ZYG11B: variants seen among roughly 807,000 people sequenced by gnomAD.
ZYG11B encodes zyg-11 family member B, cell cycle regulator.
Under a neutral mutation model 82.4 loss-of-function variants are expected in ZYG11B, and 36 were observed. The ratio of observed to expected loss-of-function variants is 0.44; its 90% CI spans 0.33 to 0.58. The LOEUF is 0.58. Among genes scored for constraint, ZYG11B ranks in the 20% least tolerant of loss-of-function variants. ZYG11B has a pLI of 0.02. For synonymous variants in ZYG11B, 303 were observed against 312.8 expected (o/e 0.97, Z 0.33); for missense variants, 552 against 895.6 (o/e 0.62, Z 4.90).
At chr1:52,731,652 A>G (rs1199866858) in intron 1 of ZYG11B, among the ~76,000 whole-genome samples, 2 of 152,198 alleles carry the variant, frequency 1.3e-5, no homozygotes, top group African/African-American at 2.4e-5. Context: ...GGGGATACAC[A>G]ATAAATACAC....
At chr1:52,780,955 C>T (rs897671773) in intron 4 of ZYG11B, among the ~76,000 whole-genome samples, 7 of 152,036 alleles carry the variant, frequency 4.6e-5, no homozygotes, top group Non-Finnish European at 1.0e-4. Flanking sequence ...CCAGCCTGGC[C>T]AACATGGCGA....
intron 2 of ZYG11B, among the ~76,000 whole-genome samples, chr1:52,768,557 G>A (rs1450250053): frequency 6.7e-6 from 1 of 149,396 alleles, no homozygotes; most frequent in Non-Finnish European, 1.5e-5. Flanking sequence ...CTTTGCTTAT[G>A]TTGTATATTC....
At chr1:52,810,966 G>A (rs1457517754) in intron 10 of ZYG11B, among the ~76,000 whole-genome samples, 10 of 151,300 alleles carry the variant, frequency 6.6e-5, no homozygotes, top group African/African-American at 4.9e-5. Flanking sequence ...TCAAGGAGGC[G>A]GAAGTTGCAG....
At chr1:52,727,728 C>T (rs982989640) in intron 1 of ZYG11B, among the ~76,000 whole-genome samples, 1 of 152,020 alleles carries the variant, frequency 6.6e-6, no homozygotes, top group African/African-American at 2.4e-5. Context: ...GTTGGGAGAA[C>T]CTTATATTTG....
rs1031754486 is a variant in ZYG11B at position 52,824,679 on chromosome 1, T to A, written c.*3050T>A. The A allele has an allele frequency of 2.0e-5, 3 of 151,852 alleles. No homozygotes were observed. The highest frequency in any genetic ancestry group is 7.3e-5 in the African/African-American group (3 of 41,292). The allele number at this position is 151,852 out of a possible 1,614,324, so 9.4% of individuals were successfully genotyped here. ...ATAATAATTTATTACATCCCAAATATATAAAAATTTGAGTGCCTTTGCAGT... is the reference window on the plus strand; with the variant it reads ...ATAATAATTTATTACATCCCAAATAAATAAAAATTTGAGTGCCTTTGCAGT... On this transcript the variant is annotated 3_prime_UTR_variant, in exon 14 of 14. Coordinates refer to ENST00000294353, the MANE Select transcript of ZYG11B (RefSeq NM_024646.3).
At position 52,818,232 on chromosome 1, in the gene ZYG11B, T is replaced by G. The variant is rs550741870; in HGVS notation, c.2044+1603T>G. On this transcript the variant is annotated intron_variant, in intron 13 of 13. Transcript: ENST00000294353. The stretch of plus-strand genomic sequence containing the variant: ...TCATCCCTATAATCCCAGCATTTTC[T>G]GAAGTTGAGGTGAGTGGATCGCTTG... Among the ~76,000 whole-genome samples the G allele has an allele frequency of 1.1e-4, 16 of 152,176 alleles. No individual in the cohort carries two copies. The South Asian group carries it at 3.1e-3, about 30-fold the overall frequency.
intron 1 of ZYG11B, among the ~76,000 whole-genome samples, chr1:52,744,613 C>T (rs1644461447): frequency 6.6e-6 from 1 of 152,140 alleles, no homozygotes; most frequent in South Asian, 2.1e-4. Context: ...GAGGCCAAGG[C>T]GGGCGGATCA....
At chr1:52,739,276 A>T (rs1644404409) in intron 1 of ZYG11B, among the ~76,000 whole-genome samples, 1 of 152,032 alleles carries the variant, frequency 6.6e-6, no homozygotes, top group Non-Finnish European at 1.5e-5. Context: ...TCTGAGCCAG[A>T]GCCACAGTGC....
chr1:52,743,380 C>A, intron 1 of ZYG11B, among the ~76,000 whole-genome samples: 1 of 127,604 alleles, frequency 7.8e-6, no homozygotes. Flanking sequence ...CCGAGAAACA[C>A]CCAAGAATGA....
rs575796802 is a variant in ZYG11B, at chr1:52,821,973, C to T, written c.*344C>T. The T allele has an allele frequency of 5.4e-6, 1 of 185,366 alleles. No individual in the cohort carries two copies. The highest frequency in any genetic ancestry group is 1.9e-4 in the South Asian group (1 of 5,306). The allele number at this position is 185,366 out of a possible 1,614,324, so 11.5% of individuals were successfully genotyped here. Reference sequence around the variant, plus strand: ...TTCTGATCTCAGAGTCCCTTCCAATCAATTTGCAGCTTCACATAAGCTGTT... The same window carrying T: ...TTCTGATCTCAGAGTCCCTTCCAATTAATTTGCAGCTTCACATAAGCTGTT... On this transcript the variant is annotated 3_prime_UTR_variant, in exon 14 of 14. Coordinates refer to ENST00000294353, the MANE Select transcript of ZYG11B (RefSeq NM_024646.3).
At chr1:52,810,731 C>T (rs888865247) in intron 10 of ZYG11B, among the ~76,000 whole-genome samples, 6 of 152,076 alleles carry the variant, frequency 3.9e-5, no homozygotes, top group Admixed American at 2.0e-4. Flanking sequence ...CTCATCATTC[C>T]TCAATTTAAA....
chr1:52,771,219 A>G lies in ZYG11B; in HGVS notation c.396A>G (p.Lys132=), dbSNP rs759789975. The part of the protein sequence containing the change: ...TDIISGLGSN[K]WIQQNLQCLV... ...TTATCAGTGGGCTTGGCAGTAACAA[A>G]TGGATCCAGCAGAATCTCCAGTGCC... Residue 132 remains lysine, a synonymous_variant, in exon 3 of 14, where the codon AAA becomes AAG. Coordinates refer to ENST00000294353, the MANE Select transcript of ZYG11B (RefSeq NM_024646.3). The surrounding 1 kb of genome is among the most constrained non-coding windows in gnomAD (Gnocchi z 5.4). 3.1e-6 allele frequency: 5 copies of G among 1,614,110 alleles called. No homozygotes were observed.
At chr1:52,784,192 A>G (rs568329246) in intron 4 of ZYG11B, among the ~76,000 whole-genome samples, 1 of 152,162 alleles carries the variant, frequency 6.6e-6, no homozygotes, top group Non-Finnish European at 1.5e-5. Flanking sequence ...GGGTTTCACC[A>G]TGTTGGCCAG....
In ZYG11B at chr1:52,785,047, C is replaced by G. The variant is rs777291144; in HGVS notation, c.1263C>G (p.His421Gln). ...AAGCCATGGAACATTTTCCCAATCA[C>G]CAGCAGGTAAGCTTATGTGAATTCC... ...LLKAMEHFPN[H>Q]QQLQKNCLLS... The change falls in exon 5 of 14, where the codon CAC becomes CAG. Residue 421 changes from histidine (H) to glutamine (Q), a missense_variant. His to Gln is a conservative substitution (Grantham distance 24). Transcript: ENST00000294353. The G allele has an allele frequency of 6.2e-7, 1 of 1,612,884 alleles. No homozygotes were observed. The highest frequency in any genetic ancestry group is 1.1e-5 in the South Asian group (1 of 91,030).
chr1:52,776,229 A>AAAAAAAATATATATACATATATATAT, intron 3 of ZYG11B, among the ~76,000 whole-genome samples: 1 of 23,536 alleles, frequency 4.2e-5, no homozygotes, highest in Non-Finnish European at 1.2e-4. Context: ...TAAAAAAAAA[A>AAAAAAAATATATATACATATATATAT]ATATATATAT....
At chr1:52,737,557 A>G (rs565729917) in intron 1 of ZYG11B, among the ~76,000 whole-genome samples, 1 of 152,152 alleles carries the variant, frequency 6.6e-6, no homozygotes, top group Non-Finnish European at 1.5e-5. Flanking sequence ...ACCTGAGGTC[A>G]GGAGTTCAAG....
intron 6 of ZYG11B, among the ~76,000 whole-genome samples, chr1:52,792,070 A>G (rs1048762754): frequency 6.6e-6 from 1 of 152,158 alleles, no homozygotes; most frequent in Non-Finnish European, 1.5e-5. Context: ...AGAACTTTAC[A>G]AAACAGGCAG....
At chr1:52,726,976 T>G (rs1207946733) in intron 1 of ZYG11B, among the ~76,000 whole-genome samples, 1 of 151,974 alleles carries the variant, frequency 6.6e-6, no homozygotes, top group African/African-American at 2.4e-5. Context: ...CCACTCCTTG[T>G]CCTTTAACCC....
At chr1:52,776,212 T>A (rs1644804314) in intron 3 of ZYG11B, among the ~76,000 whole-genome samples, 1 of 10,292 alleles carries the variant, frequency 9.7e-5, no homozygotes, top group African/African-American at 2.3e-4. Flanking sequence ...AGAGCAAAAC[T>A]CTGTCTTAAA....
Sources: allele counts gnomAD v4.1 joint callset (sites outside exome capture counted in the v4.1 genomes callset), GRCh38; gene constraint gnomAD v4.1.1; non-coding constraint Gnocchi (gnomAD v3.1); transcripts MANE v1.5; gene names NCBI Gene and HGNC (gene_info 2026-07-23, HGNC 2026-07-21).